The following IL1RAP variants were observed in gnomAD, a reference collection of about 807,000 sequenced individuals.
IL1RAP encodes interleukin 1 receptor accessory protein.
A neutral mutation model predicts 60.7 loss-of-function variants in IL1RAP; 35 were observed. The observed-to-expected ratio is 0.58, with a 90% CI of 0.44 to 0.76. The LOEUF is 0.76. Ranked by LOEUF, IL1RAP falls within the 30% of genes least tolerant of loss-of-function variation. IL1RAP has a pLI of 0.00. For synonymous variants in IL1RAP, 268 were observed against 250.9 expected (o/e 1.07, Z -0.64); for missense variants, 572 against 693.9 (o/e 0.82, Z 1.97).
At chr3:190,572,855 C>CTTTTTTTTTTTTTTTTTTTTTTT (rs1337681913) in intron 3 of IL1RAP, among the ~76,000 whole-genome samples, 1 of 57,594 alleles carries the variant, frequency 1.7e-5, no homozygotes, top group Non-Finnish European at 3.3e-5. Context: ...AGGGTTAATG[C>CTTTTTTTTTTTTTTTTTTTTTTT]TTTGTTTTTT....
At chr3:190,608,016 A>G (rs1730496577) in intron 4 of IL1RAP, among the ~76,000 whole-genome samples, 1 of 152,188 alleles carries the variant, frequency 6.6e-6, no homozygotes, top group Admixed American at 6.6e-5. Flanking sequence ...AAGGTTGCTT[A>G]TACCATTATT....
intron 3 of IL1RAP, among the ~76,000 whole-genome samples, chr3:190,599,083 T>C (rs1729626237): frequency 6.6e-6 from 1 of 152,196 alleles, no homozygotes; most frequent in South Asian, 2.1e-4. Context: ...GATTATTTTT[T>C]CCCTTATTGG....
chr3:190,629,902 A>C, intron 9 of IL1RAP: 40 of 964,912 alleles, frequency 4.1e-5, no homozygotes, highest in Non-Finnish European at 4.8e-5. Context: ...CAAGAGTCAT[A>C]AAAAAGATTG....
chr3:190,540,538 C>CT (rs983347493), intron 1 of IL1RAP, among the ~76,000 whole-genome samples: 41 of 148,782 alleles, frequency 2.8e-4, no homozygotes, highest in South Asian at 8.5e-4. Flanking sequence ...TTTGTATTTT[C>CT]TTTTTTTTTT....
chr3:190,558,486 G>A (rs1221147100), intron 2 of IL1RAP, among the ~76,000 whole-genome samples: 2 of 152,092 alleles, frequency 1.3e-5, no homozygotes, highest in African/African-American at 4.8e-5. Context: ...ATTCTGAAAG[G>A]TGTATTGTGG....
At chr3:190,527,077 T>C (rs1722573300) in intron 1 of IL1RAP, among the ~76,000 whole-genome samples, 1 of 152,234 alleles carries the variant, frequency 6.6e-6, no homozygotes, top group African/African-American at 2.4e-5. Context: ...AGCCTGGATC[T>C]ACCTTGCTGG....
rs550125517 is a variant in IL1RAP at position 190,614,522 on chromosome 3, C to A, written c.537+5341C>A. Among the ~76,000 whole-genome samples, 7 of 152,130 alleles carry A rather than the reference C, an allele frequency of 4.6e-5. No homozygotes were observed. The South Asian group carries it at 1.2e-3, about 27-fold the overall frequency. On this transcript the variant is annotated intron_variant, in intron 5 of 11. Coordinates refer to ENST00000447382, the MANE Select transcript of IL1RAP (RefSeq NM_002182.4). ...TACTGAACACACGTATTGTTCCAAA[C>A]GCTTGATTTTACTTAATTCTGTCAA...
At chr3:190,532,174 T>C (rs1302150889) in intron 1 of IL1RAP, among the ~76,000 whole-genome samples, 3 of 151,806 alleles carry the variant, frequency 2.0e-5, no homozygotes, top group African/African-American at 7.3e-5. Flanking sequence ...CTTCTAGTAA[T>C]GAGGGGAAAA....
intron 5 of IL1RAP, among the ~76,000 whole-genome samples, 161 bp from the exon 6 acceptor site, chr3:190,620,114 C>A (rs558084589): frequency 6.6e-6 from 1 of 152,206 alleles, no homozygotes; most frequent in Admixed American, 6.5e-5. Flanking sequence ...ATTTATTCTT[C>A]GCAGAAATCT....
chr3:190,646,877 A>G (rs971878217), intron 11 of IL1RAP, among the ~76,000 whole-genome samples: 1 of 152,180 alleles, frequency 6.6e-6, no homozygotes, highest in Non-Finnish European at 1.5e-5. Flanking sequence ...CTTTCAGTAT[A>G]ATTTTTCCAG....
At chr3:190,656,526 A>G in exon 12 of IL1RAP, 1 of 1,537,110 alleles carries the variant, frequency 6.5e-7, no homozygotes, top group East Asian at 2.4e-5. Context: ...CCAGATTGGA[A>G]CCCCCTGCTC....
chr3:190,632,367 C>CA (rs1338312970), intron 9 of IL1RAP, among the ~76,000 whole-genome samples: 8 of 152,170 alleles, frequency 5.3e-5, no homozygotes, highest in Non-Finnish European at 1.0e-4. Context: ...GACAATTTTT[C>CA]ATAGCCTTAT....
chr3:190,587,718 G>A (rs1008586187), intron 3 of IL1RAP, among the ~76,000 whole-genome samples: 14 of 152,190 alleles, frequency 9.2e-5, no homozygotes, highest in South Asian at 4.1e-4. Context: ...CAAATTGGGC[G>A]GAGTGTTTGA....
intron 3 of IL1RAP, among the ~76,000 whole-genome samples, chr3:190,591,335 CGG>C (rs1728921185): frequency 6.6e-6 from 1 of 152,148 alleles, no homozygotes; most frequent in Non-Finnish European, 1.5e-5. Context: ...AGGTTTAGAA[CGG>C]GGTTGTTGGA....
chr3:190,529,608 C>G (rs931661358), intron 1 of IL1RAP, among the ~76,000 whole-genome samples: 2 of 151,570 alleles, frequency 1.3e-5, no homozygotes, highest in African/African-American at 4.9e-5. Context: ...TCACTTGAAC[C>G]CGGGAGGCGG....
intron 1 of IL1RAP, among the ~76,000 whole-genome samples, chr3:190,524,322 A>C (rs1722329065): frequency 6.6e-6 from 1 of 151,980 alleles, no homozygotes; most frequent in Non-Finnish European, 1.5e-5. Context: ...TGCTCTGTTG[A>C]TCATTTCTTT....
chr3:190,536,090 C>A (rs1723437116), intron 1 of IL1RAP, among the ~76,000 whole-genome samples: 1 of 152,044 alleles, frequency 6.6e-6, no homozygotes, highest in African/African-American at 2.4e-5. Context: ...CCCCATATTA[C>A]CAGTTTTTGC....
Position 190,559,323 on chromosome 3 carries a change from C to G in IL1RAP, c.-2+3107C>G, listed in dbSNP as rs544555912. 4.6e-5 allele frequency among the ~76,000 whole-genome samples: 7 copies of G among 152,186 alleles called. No homozygotes were observed. In the South Asian group the frequency reaches 1.4e-3, roughly 32 times the overall value. On this transcript the variant is annotated intron_variant, in intron 2 of 11. Coordinates refer to ENST00000447382, the MANE Select transcript of IL1RAP (RefSeq NM_002182.4). ...GAGGTTTATGTTTTATTGTTCTTTT[C>G]AAAGAACTAACTTTTGGTTTCTTTA...
chr3:190,559,415 T>G (rs1725698765), intron 2 of IL1RAP, among the ~76,000 whole-genome samples: 9 of 152,154 alleles, frequency 5.9e-5, no homozygotes, highest in Admixed American at 5.9e-4. Flanking sequence ...ATTTCCTTTA[T>G]TATGCTTGTT....
Sources: allele counts gnomAD v4.1 joint callset (sites outside exome capture counted in the v4.1 genomes callset), GRCh38; gene constraint gnomAD v4.1.1; transcripts MANE v1.5; gene names NCBI Gene and HGNC (gene_info 2026-07-23, HGNC 2026-07-21).